Variants in UQCRC2 observed in about 807,000 individuals in gnomAD.
UQCRC2 encodes cytochrome b-c1 complex subunit 2, mitochondrial.
A neutral mutation model predicts 55.6 loss-of-function variants in UQCRC2; 49 were observed. The observed-to-expected ratio is 0.88, with a 90% CI of 0.70 to 1.12. The LOEUF (loss-of-function observed/expected upper bound fraction) is 1.12. Among genes scored for constraint, UQCRC2 ranks in the 50% most tolerant of loss-of-function variants. The pLI, the probability that UQCRC2 is intolerant of heterozygous loss-of-function variation, is 0.00. For synonymous variants in UQCRC2, 193 were observed against 192.0 expected (o/e 1.01, Z -0.04); for missense variants, 506 against 547.8 (o/e 0.92, Z 0.76).
At chr16:21,980,064 C>T (rs1194656535) in intron 12 of UQCRC2, among the ~76,000 whole-genome samples, 3 of 152,250 alleles carry the variant, frequency 2.0e-5, no homozygotes, top group Admixed American at 6.5e-5. Flanking sequence ...ATGTTCGATA[C>T]GTTAGGTGTA....
Position 21,965,501 on chromosome 16 carries a change from A to G in UQCRC2, c.608A>G (p.Glu203Gly). 6.3e-7 allele frequency: 1 copy of G among 1,584,964 alleles called. No homozygotes were observed. The highest frequency in any genetic ancestry group is 8.6e-7 in the Non-Finnish European group (1 of 1,167,466). ...TATAGGATTGGAAAAGTGACATCAG[A>G]GGAGGTACCAATAAAACATATTTTG... ...PDYRIGKVTS[E>G]ELHYFVQNHF... Residue 203 changes from glutamate to glycine, a missense_variant, in exon 7 of 14, where the codon GAG becomes GGG. Physicochemically the swap from Glu to Gly is moderately conservative, Grantham distance 98. Coordinates refer to ENST00000268379, the MANE Select transcript of UQCRC2 (RefSeq NM_003366.4).
rs1293162941 is a variant in UQCRC2, at chr16:21,971,437, A to G, written c.671-88A>G. On this transcript the variant is annotated intron_variant, in intron 8 of 13. Coordinates refer to ENST00000268379, the MANE Select transcript of UQCRC2 (RefSeq NM_003366.4). ...TATTTTGTAGTGTTAGGATTTTACA[A>G]TCGTATTTTTAAAACAAGGAAAAAA... 8.1e-6 allele frequency: 9 copies of G among 1,106,502 alleles called. No homozygotes were observed. The Admixed American group carries it at 2.0e-4, about 25-fold the overall frequency. The allele number at this position is 1,106,502 out of a possible 1,614,324, so 68.5% of individuals were successfully genotyped here. A position where few individuals can be genotyped will look rare whatever the true frequency, so the allele number is the denominator to read the frequency against.
chr16:21,959,745 A>G (rs1234020136), intron 4 of UQCRC2: 1 of 152,252 alleles, frequency 6.6e-6, no homozygotes, highest in Non-Finnish European at 1.5e-5. Context: ...TATTTCTTAA[A>G]TAATAAGACT....
At chr16:21,972,219 C>A in intron 10 of UQCRC2, 97 bp downstream of exon 10, 1 of 1,430,288 alleles carries the variant, frequency 7.0e-7, no homozygotes, top group Non-Finnish European at 9.5e-7. Flanking sequence ...AAGACAAACA[C>A]ACAGAAAATC....
At chr16:21,956,746 G>T (rs1898092504) in intron 1 of UQCRC2, among the ~76,000 whole-genome samples, 1 of 152,066 alleles carries the variant, frequency 6.6e-6, no homozygotes, top group African/African-American at 2.4e-5. Flanking sequence ...GGGTAAACTG[G>T]TGGGTTAGTA....
At position 21,957,444 on chromosome 16, in the gene UQCRC2, A is replaced by T. The variant is rs1007085577; in HGVS notation, c.145A>T (p.Ile49Phe). ...EFTKLPNGLV[I>F]ASLENYSPVS... The stretch of plus-strand genomic sequence containing the variant: ...TACCAAGTTACCAAATGGCTTGGTG[A>T]TTGCTTCTTTGGAAAACTATTCTCC... Residue 49 changes from isoleucine (I) to phenylalanine (F), a missense_variant, in exon 3 of 14, where the codon ATT (isoleucine) becomes TTT (phenylalanine). Transcript: ENST00000268379. The T allele has an allele frequency of 6.2e-7, 1 of 1,613,980 alleles. No homozygotes were observed. The highest frequency in any genetic ancestry group is 1.3e-5 in the African/African-American group (1 of 74,882).
chr16:21,955,851 G>A (rs1182567801), intron 1 of UQCRC2, among the ~76,000 whole-genome samples: 2 of 151,946 alleles, frequency 1.3e-5, no homozygotes, highest in Non-Finnish European at 2.9e-5. Flanking sequence ...TTGAGACGGA[G>A]TTTTGCTCTT....
chr16:21,958,443 T>C (rs546142187), intron 3 of UQCRC2, 92 bp from the exon 4 acceptor site: 2 of 1,136,660 alleles, frequency 1.8e-6, no homozygotes, highest in African/African-American at 3.1e-5. Context: ...AAATTCTTTT[T>C]AAATCTGCTC....
chr16:21,962,360 C>T, intron 4 of UQCRC2, 100 bp from the exon 5 acceptor site: 1 of 1,417,346 alleles, frequency 7.1e-7, no homozygotes, highest in Non-Finnish European at 9.8e-7. Flanking sequence ...TTTTATACTT[C>T]AGAAATTTTC....
intron 4 of UQCRC2, among the ~76,000 whole-genome samples, chr16:21,961,642 ATATATATATATATATATATATATATATTT>A (rs1296065929): frequency 2.7e-5 from 2 of 73,272 alleles, no homozygotes; most frequent in Non-Finnish European, 5.2e-5. Flanking sequence ...ATATATATAT[ATATATATATATATATATATATATATATTT>A]TAGACAGTCT....
chr16:21,973,109 T>TATAA (rs1881506061), intron 10 of UQCRC2, among the ~76,000 whole-genome samples: 1 of 151,976 alleles, frequency 6.6e-6, no homozygotes, highest in African/African-American at 2.4e-5. Context: ...CAAAAATATA[T>TATAA]ATAAATAAAT....
In UQCRC2 at chr16:21,976,203, G is replaced by C. The variant is rs1256116380; in HGVS notation, c.1084G>C (p.Ala362Pro). ...KAAYNQVKTI[A>P]QGNLSNTDVQ... is the part of the protein sequence containing the mutation. ...TGCCTATAATCAAGTAAAAACAATA[G>C]CTCAAGGAAACCTTTCCAACACAGA... The change falls in exon 12 of 14, where the codon GCT becomes CCT. Residue 362 changes from alanine to proline, a missense_variant. Ala to Pro is a conservative substitution (Grantham distance 27). Coordinates refer to ENST00000268379, the MANE Select transcript of UQCRC2 (RefSeq NM_003366.4). 5 of 1,613,968 alleles carry C rather than the reference G, an allele frequency of 3.1e-6. No individual in the cohort carries two copies. The highest frequency in any genetic ancestry group is 4.5e-5 in the East Asian group (2 of 44,874).
intron 12 of UQCRC2, among the ~76,000 whole-genome samples, chr16:21,979,315 T>C (rs1239962906): frequency 6.6e-6 from 1 of 152,164 alleles, no homozygotes; most frequent in Non-Finnish European, 1.5e-5. Flanking sequence ...TCAACTTGAC[T>C]ATGGAGGAAA....
At chr16:21,981,578 A>T (rs1898729619) in intron 13 of UQCRC2, among the ~76,000 whole-genome samples, 1 of 151,924 alleles carries the variant, frequency 6.6e-6, no homozygotes, top group Non-Finnish European at 1.5e-5. Flanking sequence ...ATGTAGCAAA[A>T]CCCCATCTCT....
chr16:21,964,856 T>G (rs957770096), intron 6 of UQCRC2, among the ~76,000 whole-genome samples: 1 of 152,178 alleles, frequency 6.6e-6, no homozygotes, highest in Non-Finnish European at 1.5e-5. Context: ...ATAGGCAAGT[T>G]GCCAGGTAAT....
At chr16:21,972,836 T>A (rs1898493961) in intron 10 of UQCRC2, among the ~76,000 whole-genome samples, 1 of 152,240 alleles carries the variant, frequency 6.6e-6, no homozygotes, top group South Asian at 2.1e-4. Flanking sequence ...GCACAGTGGC[T>A]CACGCCTGTA....
chr16:21,961,619 A>G (rs1423101594), intron 4 of UQCRC2, among the ~76,000 whole-genome samples: 2 of 79,048 alleles, frequency 2.5e-5, no homozygotes, highest in African/African-American at 3.4e-5. Flanking sequence ...TGTATATAAC[A>G]TAAAATTTAT....
intron 11 of UQCRC2, among the ~76,000 whole-genome samples, chr16:21,975,419 T>C (rs1898558420): frequency 6.6e-6 from 1 of 152,036 alleles, no homozygotes; most frequent in Non-Finnish European, 1.5e-5. Context: ...GGGGTGTGGC[T>C]CTGAAAATGG....
At chr16:21,967,067 A>T (rs1391734988) in intron 7 of UQCRC2, among the ~76,000 whole-genome samples, 1 of 152,214 alleles carries the variant, frequency 6.6e-6, no homozygotes, top group African/African-American at 2.4e-5. Flanking sequence ...CAAGATGTTA[A>T]CTGTGATAAC....
Sources: gnomAD v4.1 joint callset for allele counts (sites outside exome capture counted in the v4.1 genomes callset) on GRCh38, gnomAD v4.1.1 for gene constraint, MANE v1.5 for transcripts, NCBI Gene and HGNC (gene_info 2026-07-23, HGNC 2026-07-21) for gene names.